CNOT4: variants seen among roughly 807,000 people sequenced by gnomAD.
CNOT4 encodes CCR4-NOT transcription complex subunit 4, also known as CCR4-associated factor 4.
Under a neutral mutation model 73.8 loss-of-function variants are expected in CNOT4, and 8 were observed. The ratio of observed to expected loss-of-function variants is 0.11; its 90% CI spans 0.06 to 0.20. The LOEUF (loss-of-function observed/expected upper bound fraction) is 0.20. Among genes scored for constraint, CNOT4 ranks in the 10% least tolerant of loss-of-function variants. The probability of loss-of-function intolerance (pLI) is 1.00; values close to 1 mark genes in which losing one functional copy is unlikely to be tolerated. For synonymous variants in CNOT4, 293 were observed against 321.1 expected (o/e 0.91, Z 0.94); for missense variants, 564 against 883.4 (o/e 0.64, Z 4.58).
At chr7:135,493,443 T>A (rs958697532) in intron 1 of CNOT4, among the ~76,000 whole-genome samples, 1 of 152,130 alleles carries the variant, frequency 6.6e-6, no homozygotes, top group Non-Finnish European at 1.5e-5. Context: ...GGAAGCAGCA[T>A]CCTCAGCAAA....
chr7:135,505,559 A>G (rs1166863956), intron 1 of CNOT4, among the ~76,000 whole-genome samples: 1 of 152,156 alleles, frequency 6.6e-6, no homozygotes, highest in Non-Finnish European at 1.5e-5. Context: ...CTTGGGGAGT[A>G]GCGGGGAGAA....
chr7:135,413,741 G>T, intron 5 of CNOT4, 128 bp from the exon 6 acceptor site: 1 of 770,144 alleles, frequency 1.3e-6, no homozygotes, highest in Non-Finnish European at 2.0e-6. Context: ...AAAAAGTATG[G>T]CTGCAAATAC....
At chr7:135,405,863 G>C (rs1797253712) in intron 7 of CNOT4, among the ~76,000 whole-genome samples, 2 of 152,238 alleles carry the variant, frequency 1.3e-5, no homozygotes, top group Admixed American at 6.5e-5. Flanking sequence ...TTTAAGCTTA[G>C]AGCCTCAATC....
intron 2 of CNOT4, among the ~76,000 whole-genome samples, chr7:135,424,002 CTG>C (rs981638770): frequency 1.5e-4 from 22 of 151,474 alleles, no homozygotes; most frequent in African/African-American, 5.1e-4. Flanking sequence ...CTCAGCATTT[CTG>C]TGTTTTAAAA....
At chr7:135,386,465 T>G (rs1796128130) in intron 10 of CNOT4, 1 of 152,222 alleles carries the variant, frequency 6.6e-6, no homozygotes, top group Non-Finnish European at 1.5e-5. Context: ...TTCTGTCATT[T>G]TGATTTCAAT....
At chr7:135,375,619 G>T (rs1180356006) in intron 10 of CNOT4, among the ~76,000 whole-genome samples, 3 of 152,142 alleles carry the variant, frequency 2.0e-5, no homozygotes, top group Non-Finnish European at 2.9e-5. Flanking sequence ...AAATGTGTTA[G>T]TTTTTTTAAA....
intron 7 of CNOT4, 150 bp downstream of exon 7, chr7:135,410,365 T>C: frequency 2.1e-6 from 1 of 485,370 alleles, no homozygotes; most frequent in South Asian, 4.8e-5. Flanking sequence ...AACCCAGAAA[T>C]TGTGACTCAA....
chr7:135,387,771 ACTTCACATTATGTC>A, intron 10 of CNOT4: 1 of 977,448 alleles, frequency 1.0e-6, no homozygotes, highest in Non-Finnish European at 1.2e-6. Flanking sequence ...CAGAAATATC[ACTTCACATTATGTC>A]CTAATAAAGT....
At chr7:135,477,840 A>G (rs1311869269) in intron 1 of CNOT4, among the ~76,000 whole-genome samples, 4 of 152,216 alleles carry the variant, frequency 2.6e-5, no homozygotes, top group Non-Finnish European at 5.9e-5. Flanking sequence ...CCAAATTTAC[A>G]TATTTATTTC....
chr7:135,416,391 AC>A (rs1466358054), intron 3 of CNOT4, among the ~76,000 whole-genome samples: 2 of 152,112 alleles, frequency 1.3e-5, no homozygotes, highest in African/African-American at 4.8e-5. Flanking sequence ...GTATAAGGTA[AC>A]TGTTATGTTT....
At chr7:135,376,382 A>G (rs561563567) in intron 10 of CNOT4, among the ~76,000 whole-genome samples, 2 of 152,222 alleles carry the variant, frequency 1.3e-5, no homozygotes, top group African/African-American at 4.8e-5. Context: ...TTATTTTTTT[A>G]AGGCTAGTCA....
rs1189203917 is a variant in CNOT4 at position 135,452,169 on chromosome 7, T to C, written c.-92-13746A>G. Among the ~76,000 whole-genome samples, 4 of 151,428 alleles carry C rather than the reference T, an allele frequency of 2.6e-5. No individual in the cohort carries two copies. The East Asian group carries it at 5.9e-4, about 22-fold the overall frequency. ...CAGAAGGATCGCTTGAGCCCAGGAG[T>C]TCAAGGCTGCAGTGAGCTATGATCA... On this transcript the variant is annotated intron_variant, in intron 1 of 11. Transcript: ENST00000541284.
At chr7:135,377,244 A>G (rs944132073) in intron 10 of CNOT4, among the ~76,000 whole-genome samples, 1 of 152,242 alleles carries the variant, frequency 6.6e-6, no homozygotes, top group South Asian at 2.1e-4. Flanking sequence ...AAAAAGCTAC[A>G]TTAGTTTTAA....
intron 2 of CNOT4, among the ~76,000 whole-genome samples, chr7:135,433,761 T>C (rs945515991): frequency 6.6e-6 from 1 of 152,200 alleles, no homozygotes; most frequent in African/African-American, 2.4e-5. Flanking sequence ...TAGTCTCTGG[T>C]TTCCATGGGA....
At chr7:135,410,927 T>G (rs1381628960) in intron 6 of CNOT4, among the ~76,000 whole-genome samples, 1 of 151,904 alleles carries the variant, frequency 6.6e-6, no homozygotes, top group Non-Finnish European at 1.5e-5. Context: ...ACCCATTTAT[T>G]GTACAGAAAA....
At chr7:135,375,873 C>T (rs1341391662) in intron 10 of CNOT4, among the ~76,000 whole-genome samples, 3 of 151,906 alleles carry the variant, frequency 2.0e-5, no homozygotes, top group South Asian at 2.1e-4. Flanking sequence ...TGCAGTGAGC[C>T]GAGATCGTGC....
chr7:135,372,553 A>ATTT (rs1563010563), intron 10 of CNOT4, among the ~76,000 whole-genome samples: 1 of 132,744 alleles, frequency 7.5e-6, no homozygotes. Context: ...GTTTGCTACC[A>ATTT]TGTTTTTTTT....
At chr7:135,374,181 CT>C (rs1795389532) in intron 10 of CNOT4, among the ~76,000 whole-genome samples, 1 of 152,160 alleles carries the variant, frequency 6.6e-6, no homozygotes, top group South Asian at 2.1e-4. Flanking sequence ...CCCATCTAAA[CT>C]CAAAGACTTT....
At chr7:135,386,502 C>G (rs1563017886) in intron 10 of CNOT4, 1 of 152,012 alleles carries the variant, frequency 6.6e-6, no homozygotes, top group African/African-American at 2.4e-5. Flanking sequence ...GTAGTGGCTT[C>G]TTTTATGTGT....
Sources: gnomAD v4.1 joint callset for allele counts (sites outside exome capture counted in the v4.1 genomes callset) on GRCh38, gnomAD v4.1.1 for gene constraint, MANE v1.5 for transcripts, NCBI Gene and HGNC (gene_info 2026-07-23, HGNC 2026-07-21) for gene names.